Variants in DENND1B observed in about 807,000 individuals in gnomAD.
The protein encoded by DENND1B is DENN domain containing 1B.
DENND1B carries 59 observed loss-of-function variants against 90.1 expected under a neutral mutation model. The ratio of observed to expected loss-of-function variants is 0.65; its 90% confidence interval spans 0.53 to 0.81. DENND1B has a LOEUF of 0.81. DENND1B is among the 40% of genes least tolerant of loss of function. The pLI, the probability that DENND1B is intolerant of heterozygous loss-of-function variation, is 0.00. For synonymous variants in DENND1B, 337 were observed against 324.6 expected (o/e 1.04, Z -0.41); for missense variants, 862 against 912.6 (o/e 0.94, Z 0.71).
chr1:197,765,410 C>G (rs886689489), intron 2 of DENND1B, among the ~76,000 whole-genome samples: 3 of 152,138 alleles, frequency 2.0e-5, no homozygotes, highest in Non-Finnish European at 2.9e-5. Flanking sequence ...GTAAAGCACT[C>G]TAAACATGTC....
chr1:197,768,248 C>G (rs1235767159), intron 2 of DENND1B, among the ~76,000 whole-genome samples: 1 of 151,318 alleles, frequency 6.6e-6, no homozygotes, highest in Non-Finnish European at 1.5e-5. Flanking sequence ...CCTCCTCCTC[C>G]TCCCTTTCCT....
At chr1:197,599,599 T>A (rs1676015565) in intron 13 of DENND1B, among the ~76,000 whole-genome samples, 1 of 151,860 alleles carries the variant, frequency 6.6e-6, no homozygotes, top group Non-Finnish European at 1.5e-5. Context: ...CTCCCTTGAA[T>A]CATGTTATAG....
At chr1:197,580,236 C>T (rs1674100741) in intron 15 of DENND1B, among the ~76,000 whole-genome samples, 3 of 148,272 alleles carry the variant, frequency 2.0e-5, no homozygotes, top group Middle Eastern at 3.5e-3. Flanking sequence ...GGATTACATG[C>T]ACCTGCCACC....
chr1:197,583,210 C>A lies in DENND1B; in HGVS notation c.1091G>T (p.Arg364Leu). 1 of 1,613,786 alleles carries A rather than the reference C, an allele frequency of 6.2e-7. No individual in the cohort carries two copies. The highest frequency in any genetic ancestry group is 8.5e-7 in the Non-Finnish European group (1 of 1,179,810). The change falls in exon 15 of 23, where the codon CGC (arginine) becomes CTC (leucine). Residue 364 changes from arginine (R) to leucine (L), a missense_variant. Physicochemically the swap from Arg to Leu is moderately radical, Grantham distance 102 (BLOSUM62 -2). Transcript: ENST00000620048. ...TFCEESFVKHRSSVMKQFLET... is the reference protein window; with the variant it reads ...TFCEESFVKHLSSVMKQFLET... ...CAGGAACTGTTTCATCACGCTTGAG[C>A]GGTGCTTTACAAAACTCTCCTCACA...
intron 2 of DENND1B, chr1:197,734,434 C>G (rs1662443613): frequency 1.0e-6 from 1 of 984,466 alleles, no homozygotes; most frequent in Admixed American, 6.2e-5. Flanking sequence ...TAATTTAAAC[C>G]AATAGCAACA....
rs369842890 is a variant in DENND1B at position 197,587,720 on chromosome 1, A to G, written c.1048-4467T>C. Among the ~76,000 whole-genome samples the G allele has an allele frequency of 4.6e-5, 7 of 152,184 alleles. No individual in the cohort carries two copies. In the East Asian group the frequency reaches 1.4e-3, roughly 29 times the overall value. Reference sequence around the variant, plus strand: ...TCCACGGACCAGAGGAGTGGGGAATAGTTGTGGGATAATTCAAGCGCGTTA... The same window carrying G: ...TCCACGGACCAGAGGAGTGGGGAATGGTTGTGGGATAATTCAAGCGCGTTA... On this transcript the variant is annotated intron_variant, in intron 14 of 22. Coordinates refer to ENST00000620048, the MANE Select transcript of DENND1B (RefSeq NM_001195215.2).
intron 10 of DENND1B, among the ~76,000 whole-genome samples, chr1:197,630,280 C>T (rs1335417394): frequency 3.3e-5 from 5 of 152,062 alleles, no homozygotes; most frequent in African/African-American, 9.7e-5. Context: ...TCTCACCATT[C>T]TGGAGGCTGG....
chr1:197,666,858 G>A lies in DENND1B; in HGVS notation c.296+5179C>T, dbSNP rs116310678. ...AGTTATTCTAAGTCTTGGTTACATA[G>A]TGAAATAAGGCAAACTAGGCTGGGG... is the stretch of plus-strand genomic sequence containing the variant. On this transcript the variant is annotated intron_variant, in intron 5 of 22. Coordinates refer to ENST00000620048, the MANE Select transcript of DENND1B (RefSeq NM_001195215.2). 6.9e-3 allele frequency among the ~76,000 whole-genome samples: 1,046 copies of A among 152,228 alleles called. 7 individuals are homozygous for A. Among genetic ancestry groups the A allele is most frequent in the African/African-American group, 0.023 (951 of 41,538 alleles).
chr1:197,662,998 T>C (rs1419466723), intron 5 of DENND1B, among the ~76,000 whole-genome samples: 2 of 152,120 alleles, frequency 1.3e-5, no homozygotes, highest in Non-Finnish European at 2.9e-5. Flanking sequence ...AAGTTTGGTA[T>C]TGCTTCTGTG....
intron 2 of DENND1B, among the ~76,000 whole-genome samples, chr1:197,762,358 G>A (rs377280901): frequency 2.6e-5 from 4 of 151,622 alleles, no homozygotes; most frequent in Admixed American, 2.0e-4. Context: ...GCTCTGCCTC[G>A]CGGGTTCACG....
In DENND1B at chr1:197,772,950, A is replaced by G; in HGVS notation, c.18-18T>C. 1 of 1,543,638 alleles carries G rather than the reference A, an allele frequency of 6.5e-7. No homozygotes were observed. The highest frequency in any genetic ancestry group is 8.8e-7 in the Non-Finnish European group (1 of 1,140,890). ...GATTTGCCCTAAAAGGAAAAAGTTT[A>G]AATTAATTTCCTATGACAAATAAAC... On this transcript the variant is annotated intron_variant, in intron 1 of 22. Coordinates refer to ENST00000620048, the MANE Select transcript of DENND1B (RefSeq NM_001195215.2).
At chr1:197,678,343 T>C (rs1236743157) in intron 3 of DENND1B, among the ~76,000 whole-genome samples, 2 of 152,198 alleles carry the variant, frequency 1.3e-5, no homozygotes, top group African/African-American at 4.8e-5. Flanking sequence ...TTTTAAACTA[T>C]CTGTAATTTT....
In DENND1B at chr1:197,611,947, T is replaced by A. The variant is rs1254775875; in HGVS notation, c.803A>T (p.His268Leu). The A allele has an allele frequency of 6.2e-7, 1 of 1,604,058 alleles. No individual in the cohort carries two copies. Among genetic ancestry groups the A allele is most frequent in the African/African-American group, 1.3e-5 (1 of 74,378 alleles). ...GATACTCACCTCTATGAGGCTGGAG[T>A]GTATTCCAATCAGGTATGGCATTGG... ...CAPMPYLIGI[H>L]SSLIERVKNK... Residue 268 changes from histidine to leucine, a missense_variant, in exon 12 of 23, where the codon CAC (histidine) becomes CTC (leucine). Physicochemically the swap from His to Leu is moderately conservative, Grantham distance 99 (BLOSUM62 -3). Coordinates refer to ENST00000620048, the MANE Select transcript of DENND1B (RefSeq NM_001195215.2).
rs899282690 is a variant in DENND1B at position 197,677,576 on chromosome 1, C to A, written c.127-3407G>T. ...TCATAACTATCTTGCTCCAGATGTT[C>A]TCAATGGAGGGTGGAAAGGATTAGA... On this transcript the variant is annotated intron_variant, in intron 3 of 22. Coordinates refer to ENST00000620048, the MANE Select transcript of DENND1B (RefSeq NM_001195215.2). Among the ~76,000 whole-genome samples the A allele has an allele frequency of 3.3e-5, 5 of 152,196 alleles. 1 individual carries two copies. The South Asian group carries it at 1.0e-3, about 32-fold the overall frequency.
intron 5 of DENND1B, 56 bp from the exon 6 acceptor site, chr1:197,658,425 AC>A: frequency 8.7e-7 from 1 of 1,152,338 alleles, no homozygotes; most frequent in Non-Finnish European, 1.3e-6. Flanking sequence ...CAGAAAACAG[AC>A]AATATAAACA....
At chr1:197,736,003 A>C (rs1037348583) in intron 2 of DENND1B, 2 of 1,043,766 alleles carry the variant, frequency 1.9e-6, no homozygotes, top group African/African-American at 3.2e-5. Flanking sequence ...CAAAGTATCT[A>C]AAAACACTGC....
chr1:197,616,248 T>C (rs1572075820), intron 11 of DENND1B, among the ~76,000 whole-genome samples: 1 of 150,992 alleles, frequency 6.6e-6, no homozygotes, highest in East Asian at 1.9e-4. Flanking sequence ...TAAAGTTTAA[T>C]TACTGAACAG....
Position 197,775,163 on chromosome 1 carries a change from T to C in DENND1B, c.-8A>G, listed in dbSNP as rs752193220. The C allele has an allele frequency of 1.2e-5, 16 of 1,300,842 alleles. No homozygotes were observed. Among genetic ancestry groups the C allele is most frequent in the Non-Finnish European group, 1.4e-5 (14 of 1,016,494 alleles). The allele number at this position is 1,300,842 out of a possible 1,614,324, so 80.6% of individuals were successfully genotyped here. A position where few individuals can be genotyped will look rare whatever the true frequency, so the allele number is the denominator to read the frequency against. On this transcript the variant is annotated 5_prime_UTR_variant, in exon 1 of 23. An upstream start codon of the reference 5' UTR is lost. Transcript: ENST00000620048. ...CTTGGTCCTGCAGTCCATGGTTACA[T>C]GTCGGTGTGGGGCTGTCCGTCCGGC...
intron 2 of DENND1B, among the ~76,000 whole-genome samples, chr1:197,770,108 AAAG>A (rs1318835988): frequency 6.6e-6 from 1 of 152,152 alleles, no homozygotes; most frequent in Non-Finnish European, 1.5e-5. Context: ...AGTCATAATA[AAAG>A]AAGAAAGGTT....
Sources: gnomAD v4.1 joint callset for allele counts (sites outside exome capture counted in the v4.1 genomes callset) on GRCh38, gnomAD v4.1.1 for gene constraint, MANE v1.5 for transcripts, NCBI Gene and HGNC (gene_info 2026-07-23, HGNC 2026-07-21) for gene names.